Variants in CDH12 observed in about 807,000 individuals in gnomAD.
CDH12 encodes the protein cadherin 12.
A neutral mutation model predicts 74.1 loss-of-function variants in CDH12; 41 were observed. That is an observed-to-expected ratio of 0.55 (90% CI 0.43 to 0.72). The LOEUF (loss-of-function observed/expected upper bound fraction) is 0.72. Ranked by LOEUF, CDH12 falls within the 30% of genes least tolerant of loss-of-function variation. The pLI, the probability that CDH12 is intolerant of heterozygous loss-of-function variation, is 0.00. For missense variants in CDH12, 945 were observed against 977.2 expected (o/e 0.97, Z 0.44); for synonymous variants, 399 against 355.0 (o/e 1.12, Z -1.39).
At chr5:21,963,759 A>G (rs938483164) in intron 6 of CDH12, among the ~76,000 whole-genome samples, 16 of 152,038 alleles carry the variant, frequency 1.1e-4, no homozygotes, top group Non-Finnish European at 2.1e-4. Flanking sequence ...ATATTTTCCT[A>G]TTTCAATGGC....
chr5:22,562,035 A>G (rs191684074), intron 1 of CDH12, among the ~76,000 whole-genome samples: 230 of 152,310 alleles, frequency 1.5e-3, no homozygotes, highest in African/African-American at 5.5e-3. Context: ...ACATACATAG[A>G]GGCCGGGCGC....
At chr5:22,500,026 A>AT (rs1341933697) in intron 2 of CDH12, among the ~76,000 whole-genome samples, 13 of 152,046 alleles carry the variant, frequency 8.6e-5, no homozygotes, top group South Asian at 2.1e-4. Flanking sequence ...TGAATAACTG[A>AT]TTTTTTTTAT....
intron 2 of CDH12, among the ~76,000 whole-genome samples, chr5:22,494,106 C>T (rs1747002931): frequency 6.6e-6 from 1 of 152,138 alleles, no homozygotes; most frequent in Non-Finnish European, 1.5e-5. Flanking sequence ...GCATGGTGTA[C>T]AGTAAGTCCT....
At chr5:21,901,692 C>T (rs926001497) in intron 6 of CDH12, among the ~76,000 whole-genome samples, 1 of 152,098 alleles carries the variant, frequency 6.6e-6, no homozygotes, top group African/African-American at 2.4e-5. Flanking sequence ...AACCAGCCAC[C>T]TCCACATATG....
chr5:22,334,772 G>T (rs999131453), intron 3 of CDH12, among the ~76,000 whole-genome samples: 1 of 152,116 alleles, frequency 6.6e-6, no homozygotes, highest in Non-Finnish European at 1.5e-5. Context: ...TTCAATAAAT[G>T]GTGAGGGGAA....
At chr5:22,299,527 C>A (rs114756802) in intron 3 of CDH12, among the ~76,000 whole-genome samples, 69 of 152,254 alleles carry the variant, frequency 4.5e-4, no homozygotes, top group Non-Finnish European at 8.1e-4. Flanking sequence ...CAAAGAATTT[C>A]TTTGAAAGAG....
chr5:21,899,823 C>T (rs1561284516), intron 6 of CDH12, among the ~76,000 whole-genome samples: 1 of 151,482 alleles, frequency 6.6e-6, no homozygotes, highest in African/African-American at 2.4e-5. Flanking sequence ...ATACTAAATG[C>T]TGTGTGTTTA....
At chr5:22,335,494 A>G (rs1739539332) in intron 3 of CDH12, among the ~76,000 whole-genome samples, 1 of 152,006 alleles carries the variant, frequency 6.6e-6, no homozygotes, top group Non-Finnish European at 1.5e-5. Context: ...CTGAGGCAGG[A>G]GAATGGCGTG....
chr5:22,830,682 T>G (rs1415036926), intron 1 of CDH12, among the ~76,000 whole-genome samples: 1 of 151,776 alleles, frequency 6.6e-6, no homozygotes, highest in Non-Finnish European at 1.5e-5. Context: ...TAATGTATCA[T>G]TTTTCAAATT....
Position 21,942,536 on chromosome 5 carries a change from G to A in CDH12, c.526+32555C>T, listed in dbSNP as rs535854136. Among the ~76,000 whole-genome samples the A allele has an allele frequency of 5.5e-4, 83 of 151,280 alleles. 1 individual carries two copies. In the South Asian group the frequency reaches 0.016, roughly 30 times the overall value. On this transcript the variant is annotated intron_variant, in intron 6 of 14. Transcript: ENST00000382254. Reference sequence around the variant, plus strand: ...CTAGTTATATAAATAGTGCTCTATTGTTTTCCTTGTATTTTAATTTTTCTG... The same window carrying A: ...CTAGTTATATAAATAGTGCTCTATTATTTTCCTTGTATTTTAATTTTTCTG...
chr5:22,584,443 T>C (rs905337899), intron 1 of CDH12, among the ~76,000 whole-genome samples: 1 of 152,206 alleles, frequency 6.6e-6, no homozygotes, highest in Non-Finnish European at 1.5e-5. Context: ...ATTTTTATTT[T>C]AGTGAAACTA....
At chr5:22,564,675 TTACTC>T (rs1739209459) in intron 1 of CDH12, among the ~76,000 whole-genome samples, 1 of 152,216 alleles carries the variant, frequency 6.6e-6, no homozygotes, top group South Asian at 2.1e-4. Context: ...ATAGATCTAA[TTACTC>T]TAGATACTCA....
chr5:22,381,730 T>G (rs1304089748), intron 3 of CDH12, among the ~76,000 whole-genome samples: 1 of 151,998 alleles, frequency 6.6e-6, no homozygotes, highest in Non-Finnish European at 1.5e-5. Flanking sequence ...ACTTTCAGTG[T>G]GTAAATTTTT....
At chr5:22,811,600 A>C (rs1448324348) in intron 1 of CDH12, among the ~76,000 whole-genome samples, 1 of 152,220 alleles carries the variant, frequency 6.6e-6, no homozygotes, top group Non-Finnish European at 1.5e-5. Context: ...GACTTAACAA[A>C]AGAAAATGCT....
chr5:21,775,729 T>A (rs1593987), intron 11 of CDH12, among the ~76,000 whole-genome samples: 105,610 of 151,892 alleles, frequency 0.7, 38,363 homozygotes, highest in Non-Finnish European at 0.81. Context: ...TAATTTTTTT[T>A]AAAAAAATAA....
At chr5:22,293,431 T>C (rs1421364646) in intron 3 of CDH12, among the ~76,000 whole-genome samples, 3 of 152,124 alleles carry the variant, frequency 2.0e-5, no homozygotes, top group Non-Finnish European at 2.9e-5. Flanking sequence ...AAATTAAAAC[T>C]AGAACTACCA....
intron 11 of CDH12, among the ~76,000 whole-genome samples, chr5:21,776,300 T>C (rs1745584946): frequency 6.6e-6 from 1 of 152,174 alleles, no homozygotes; most frequent in South Asian, 2.1e-4. Context: ...AAGAGAAACC[T>C]TAGAGAACAA....
chr5:22,321,550 C>A (rs1317755036), intron 3 of CDH12, among the ~76,000 whole-genome samples: 20 of 143,470 alleles, frequency 1.4e-4, no homozygotes, highest in African/African-American at 5.3e-4. Flanking sequence ...TGCTAGATGA[C>A]GAGTTAGTGG....
chr5:21,798,308 A>G (rs1433819716), intron 10 of CDH12, among the ~76,000 whole-genome samples: 1 of 151,826 alleles, frequency 6.6e-6, no homozygotes, highest in South Asian at 2.1e-4. Context: ...TAAACCATAT[A>G]TGGTTTTCTG....
Sources: allele counts gnomAD v4.1 joint callset (sites outside exome capture counted in the v4.1 genomes callset), GRCh38; gene constraint gnomAD v4.1.1; transcripts MANE v1.5; gene names NCBI Gene and HGNC (gene_info 2026-07-23, HGNC 2026-07-21).